The following EPB41L4A variants were observed in gnomAD, a reference collection of about 807,000 sequenced individuals.
EPB41L4A encodes the protein band 4.1-like protein 4A.
In EPB41L4A, 100 loss-of-function variants were observed where a neutral mutation model predicts 108.6. That is an observed-to-expected ratio of 0.92 (90% CI 0.78 to 1.09). The LOEUF (loss-of-function observed/expected upper bound fraction) is 1.09. Among genes scored for constraint, EPB41L4A ranks in the 50% least tolerant of loss-of-function variants. The probability of loss-of-function intolerance (pLI) is 0.00; values close to 1 mark genes in which losing one functional copy is unlikely to be tolerated. For synonymous variants in EPB41L4A, 319 were observed against 289.0 expected, an observed-to-expected ratio of 1.10 and a Z score of -1.05; for missense variants, 1,030 against 842.7, an observed-to-expected ratio of 1.22 and a Z score of -2.75.
At chr5:112,357,887 C>T (rs980097630) in intron 1 of EPB41L4A, among the ~76,000 whole-genome samples, 3 of 152,210 alleles carry the variant, frequency 2.0e-5, no homozygotes, top group East Asian at 3.8e-4. Flanking sequence ...ACACCAAAGG[C>T]ATCCACTACA....
intron 15 of EPB41L4A, among the ~76,000 whole-genome samples, chr5:112,199,836 C>T (rs1762136677): frequency 6.6e-6 from 1 of 152,158 alleles, no homozygotes; most frequent in Admixed American, 6.5e-5. Context: ...AAACCATCTA[C>T]TTCTTTATAT....
chr5:112,333,463 G>A (rs1383916403), intron 1 of EPB41L4A, among the ~76,000 whole-genome samples: 2 of 152,210 alleles, frequency 1.3e-5, no homozygotes, highest in Non-Finnish European at 1.5e-5. Flanking sequence ...GAGAAGGAGT[G>A]TGTGTGAATA....
At chr5:112,209,669 T>C (rs1762637374) in intron 13 of EPB41L4A, among the ~76,000 whole-genome samples, 1 of 152,356 alleles carries the variant, frequency 6.6e-6, no homozygotes, top group East Asian at 1.9e-4. Context: ...TGAGTTCACC[T>C]TGTGACAAAA....
At chr5:112,161,600 G>C (rs1430915434), downstream of EPB41L4A, 2 of 519,066 alleles carry the variant, frequency 3.9e-6, no homozygotes, top group Non-Finnish European at 7.7e-6. Context: ...TGGTGTAGGA[G>C]CTGCATAAGT....
At position 112,168,990 on chromosome 5, in the gene EPB41L4A, CT is replaced by C; in HGVS notation, c.1850+4del. 1.9e-6 allele frequency: 3 copies of C among 1,607,394 alleles called. No homozygotes were observed. Among genetic ancestry groups the C allele is most frequent in the Non-Finnish European group, 8.5e-7 (1 of 1,173,870 alleles). On this transcript the variant is annotated splice_donor_region_variant and intron_variant, in intron 21 of 22. Transcript: ENST00000261486. The stretch of plus-strand genomic sequence containing the variant: ...GTGATGGTGTACTCTGGCCTGCCCA[CT>C]TACTTCACTTCCGAGAGAACTGATC...
chr5:112,289,685 C>T (rs1236431438), intron 2 of EPB41L4A, among the ~76,000 whole-genome samples: 1 of 152,190 alleles, frequency 6.6e-6, no homozygotes, highest in Admixed American at 6.5e-5. Flanking sequence ...GTTGAAGCCC[C>T]AGCCAATGCC....
At chr5:112,350,149 T>A (rs1384971788) in intron 1 of EPB41L4A, among the ~76,000 whole-genome samples, 3 of 13,042 alleles carry the variant, frequency 2.3e-4, no homozygotes, top group Non-Finnish European at 8.5e-4. Flanking sequence ...ATATATTTTG[T>A]TTAATTTTAA....
At chr5:112,390,581 G>C (rs1159757685) in intron 1 of EPB41L4A, among the ~76,000 whole-genome samples, 1 of 152,152 alleles carries the variant, frequency 6.6e-6, no homozygotes, top group Non-Finnish European at 1.5e-5. Context: ...AGCTCAACGA[G>C]GCCAGCGTGA....
intron 1 of EPB41L4A, among the ~76,000 whole-genome samples, chr5:112,399,554 A>C (rs1301178042): frequency 2.0e-5 from 3 of 151,472 alleles, no homozygotes; most frequent in Non-Finnish European, 4.4e-5. Flanking sequence ...TTTTTTCTCT[A>C]CTCCACTTCC....
intron 1 of EPB41L4A, among the ~76,000 whole-genome samples, chr5:112,401,583 G>A (rs1408169330): frequency 1.3e-5 from 2 of 149,928 alleles, no homozygotes; most frequent in East Asian, 3.9e-4. Context: ...CTTAATTTAA[G>A]AAGAAGTATA....
intron 12 of EPB41L4A, among the ~76,000 whole-genome samples, chr5:112,227,907 G>A (rs1185650427): frequency 2.6e-5 from 4 of 152,186 alleles, no homozygotes; most frequent in African/African-American, 7.2e-5. Flanking sequence ...GCTACCCTCA[G>A]GGGAATCATT....
At chr5:112,404,753 A>G (rs1761984247) in intron 1 of EPB41L4A, among the ~76,000 whole-genome samples, 1 of 152,180 alleles carries the variant, frequency 6.6e-6, no homozygotes, top group Non-Finnish European at 1.5e-5. Flanking sequence ...AAGCAATCTA[A>G]TTCACCTCTT....
At chr5:112,174,769 CT>C (rs1760775881) in intron 18 of EPB41L4A, among the ~76,000 whole-genome samples, 1 of 151,982 alleles carries the variant, frequency 6.6e-6, no homozygotes, top group Non-Finnish European at 1.5e-5. Context: ...GTATTTTACT[CT>C]TTTTTTGTCC....
rs184870371 is a variant in EPB41L4A, at chr5:112,317,416, C to A, written c.100-9926G>T. 3.3e-3 allele frequency among the ~76,000 whole-genome samples: 504 copies of A among 152,156 alleles called. 4 individuals are homozygous for A. Among genetic ancestry groups the A allele is most frequent in the African/African-American group, 0.012 (480 of 41,504 alleles). On this transcript the variant is annotated intron_variant, in intron 1 of 22. Coordinates refer to ENST00000261486, the MANE Select transcript of EPB41L4A (RefSeq NM_022140.5). ...AGGTTGGGAAAGAATAGCAGTTTGGCTAGAGTAACACAGAAAGAAAGGGAA... is the reference window on the plus strand; with the variant it reads ...AGGTTGGGAAAGAATAGCAGTTTGGATAGAGTAACACAGAAAGAAAGGGAA...
chr5:112,371,276 A>G (rs923081818), intron 1 of EPB41L4A, among the ~76,000 whole-genome samples: 1 of 152,228 alleles, frequency 6.6e-6, no homozygotes, highest in Non-Finnish European at 1.5e-5. Context: ...ATTATTTACA[A>G]ATACAAAAGA....
chr5:112,296,939 C>A (rs1177328200), intron 2 of EPB41L4A, among the ~76,000 whole-genome samples: 1 of 152,000 alleles, frequency 6.6e-6, no homozygotes, highest in East Asian at 1.9e-4. Flanking sequence ...GCCATTAATT[C>A]ATTCCATTTT....
At chr5:112,257,669 T>C (rs989890224) in intron 9 of EPB41L4A, among the ~76,000 whole-genome samples, 2 of 152,148 alleles carry the variant, frequency 1.3e-5, no homozygotes, top group Non-Finnish European at 2.9e-5. Flanking sequence ...ATGAAAGTCA[T>C]TCACCAGAGG....
rs142619609 is a variant in EPB41L4A at position 112,352,545 on chromosome 5, A to G, written c.100-45055T>C. On this transcript the variant is annotated intron_variant, in intron 1 of 22. Transcript: ENST00000261486. The stretch of plus-strand genomic sequence containing the variant: ...AGGATAGACTATATGTGAAGCCACA[A>G]AAGAATCAGTCTATATCTTAAGTGG... Among the ~76,000 whole-genome samples, 528 of 152,360 alleles carry G rather than the reference A, an allele frequency of 3.5e-3. 1 individual carries two copies. Among genetic ancestry groups the G allele is most frequent in the African/African-American group, 0.012 (490 of 41,578 alleles).
intron 12 of EPB41L4A, among the ~76,000 whole-genome samples, chr5:112,154,147 C>G (rs1460753652): frequency 6.6e-6 from 1 of 152,074 alleles, no homozygotes; most frequent in African/African-American, 2.4e-5. Flanking sequence ...CTAATTTAAA[C>G]TACATATACA....
Sources: allele counts gnomAD v4.1 joint callset (sites outside exome capture counted in the v4.1 genomes callset), GRCh38; gene constraint gnomAD v4.1.1; transcripts MANE v1.5; gene names NCBI Gene and HGNC (gene_info 2026-07-23, HGNC 2026-07-21).